Variants in KCNMB2 observed in about 807,000 individuals in gnomAD.
The protein encoded by KCNMB2 is potassium calcium-activated channel subfamily M regulatory beta subunit 2, also known as calcium-activated potassium channel subunit beta-2.
Under a neutral mutation model 24.5 loss-of-function variants are expected in KCNMB2, and 9 were observed. The observed-to-expected ratio is 0.37, with a 90% CI of 0.22 to 0.64. The LOEUF (loss-of-function observed/expected upper bound fraction) is 0.64. Among genes scored for constraint, KCNMB2 ranks in the 30% least tolerant of loss-of-function variants. The pLI is 0.63. For synonymous variants in KCNMB2, 109 were observed against 104.4 expected, an observed-to-expected ratio of 1.04 and a Z score of -0.27; for missense variants, 226 against 284.3, an observed-to-expected ratio of 0.79 and a Z score of 1.47.
intron 1 of KCNMB2, among the ~76,000 whole-genome samples, chr3:178,602,524 C>T (rs1718119557): frequency 6.6e-6 from 1 of 151,172 alleles, no homozygotes; most frequent in Non-Finnish European, 1.5e-5. Context: ...TCCTGTGGGA[C>T]ACTTAGGACA....
At chr3:178,580,059 A>T (rs1352414707) in intron 1 of KCNMB2, among the ~76,000 whole-genome samples, 1 of 152,192 alleles carries the variant, frequency 6.6e-6, no homozygotes, top group East Asian at 1.9e-4. Flanking sequence ...TGGCAGACAC[A>T]AAACAAAAAA....
At chr3:178,705,491 G>C (rs917616502) in intron 1 of KCNMB2, among the ~76,000 whole-genome samples, 2 of 152,160 alleles carry the variant, frequency 1.3e-5, no homozygotes, top group Non-Finnish European at 2.9e-5. Flanking sequence ...CTATCTTCAA[G>C]TAATATAAAT....
Position 178,538,235 on chromosome 3 carries a change from G to A in KCNMB2, c.-68+1524G>A, listed in dbSNP as rs550911308. On this transcript the variant is annotated intron_variant, in intron 1 of 4. Coordinates refer to ENST00000452583, the MANE Select transcript of KCNMB2 (RefSeq NM_181361.3). ...CCGAACTCTCTTGGCTGGTCTTTAC[G>A]TGACCAGACCACATGTCCACGAAAT... Among the ~76,000 whole-genome samples the A allele has an allele frequency of 9.5e-4, 144 of 152,192 alleles. 1 individual carries two copies. The highest frequency in any genetic ancestry group is 4.2e-3 in the South Asian group (20 of 4,814).
chr3:178,831,837 G>A (rs1162480817), intron 4 of KCNMB2, among the ~76,000 whole-genome samples: 6 of 152,002 alleles, frequency 3.9e-5, no homozygotes, highest in Non-Finnish European at 8.8e-5. Flanking sequence ...TGTACACCAC[G>A]CCCCTGTGAC....
chr3:178,642,668 T>C (rs916227771), intron 1 of KCNMB2, among the ~76,000 whole-genome samples: 3 of 152,246 alleles, frequency 2.0e-5, no homozygotes, highest in Non-Finnish European at 4.4e-5. Context: ...AAATTTTTTG[T>C]TAAACTCCAT....
intron 1 of KCNMB2, among the ~76,000 whole-genome samples, chr3:178,552,290 A>G (rs1472021001): frequency 6.6e-6 from 1 of 152,154 alleles, no homozygotes; most frequent in Non-Finnish European, 1.5e-5. Context: ...TCCAGCAAAG[A>G]AGGAAAATGT....
chr3:178,718,899 A>G (rs909554355), intron 1 of KCNMB2, among the ~76,000 whole-genome samples: 9 of 152,200 alleles, frequency 5.9e-5, no homozygotes, highest in Non-Finnish European at 1.0e-4. Context: ...TTGGAAGCCC[A>G]AGTCTAATGA....
chr3:178,754,864 G>A lies in KCNMB2; in HGVS notation c.-67-52479G>A, dbSNP rs6797707. 6.8e-3 allele frequency among the ~76,000 whole-genome samples: 1,042 copies of A among 152,272 alleles called. 17 individuals carry two copies. Among genetic ancestry groups the A allele is most frequent in the African/African-American group, 0.024 (978 of 41,538 alleles). ...GCTTTACAGACAGCTTGTTTAGCAC[G>A]TTTGGCCCTCATTCTGGGTTATGGG... On this transcript the variant is annotated intron_variant, in intron 1 of 4. Coordinates refer to ENST00000452583, the MANE Select transcript of KCNMB2 (RefSeq NM_181361.3).
intron 1 of KCNMB2, among the ~76,000 whole-genome samples, chr3:178,733,103 A>G (rs1432080840): frequency 1.3e-5 from 2 of 152,226 alleles, no homozygotes; most frequent in South Asian, 2.1e-4. Context: ...AGAGTAGATA[A>G]ATGGGGTAGA....
chr3:178,553,966 A>C (rs528773554), intron 1 of KCNMB2, among the ~76,000 whole-genome samples: 1 of 152,332 alleles, frequency 6.6e-6, no homozygotes, highest in South Asian at 2.1e-4. Context: ...AATATACCAC[A>C]GCCAGATTGT....
intron 1 of KCNMB2, among the ~76,000 whole-genome samples, chr3:178,700,142 T>A (rs1371607889): frequency 6.6e-6 from 1 of 152,222 alleles, no homozygotes; most frequent in African/African-American, 2.4e-5. Flanking sequence ...TCACTTTGCC[T>A]CTTTTAATTT....
At chr3:178,795,476 G>A (rs915736742) in intron 1 of KCNMB2, among the ~76,000 whole-genome samples, 3 of 152,180 alleles carry the variant, frequency 2.0e-5, no homozygotes, top group Non-Finnish European at 2.9e-5. Flanking sequence ...GTAACCACAT[G>A]AGTCCTTGCA....
chr3:178,557,508 A>G (rs1439128297), intron 1 of KCNMB2, among the ~76,000 whole-genome samples: 1 of 152,222 alleles, frequency 6.6e-6, no homozygotes, highest in African/African-American at 2.4e-5. Context: ...AGCATTCCGA[A>G]TAACTATTAA....
At chr3:178,648,062 CTCA>C (rs1456454895) in intron 1 of KCNMB2, among the ~76,000 whole-genome samples, 2 of 152,130 alleles carry the variant, frequency 1.3e-5, no homozygotes, top group African/African-American at 2.4e-5. Context: ...ATGACACACT[CTCA>C]TCAAGTGCAT....
At chr3:178,808,876 T>C (rs559266560) in intron 2 of KCNMB2, among the ~76,000 whole-genome samples, 1 of 152,248 alleles carries the variant, frequency 6.6e-6, no homozygotes, top group East Asian at 1.9e-4. Flanking sequence ...ACCTTAATTA[T>C]GGAAAAAATA....
At chr3:178,821,989 C>G (rs990714977) in intron 2 of KCNMB2, among the ~76,000 whole-genome samples, 3 of 152,172 alleles carry the variant, frequency 2.0e-5, no homozygotes, top group African/African-American at 7.2e-5. Flanking sequence ...AAACTCTGCA[C>G]AGAAGCCAGA....
At chr3:178,619,408 G>A (rs762624886) in intron 1 of KCNMB2, among the ~76,000 whole-genome samples, 23 of 152,188 alleles carry the variant, frequency 1.5e-4, no homozygotes, top group African/African-American at 5.5e-4. Flanking sequence ...TACTAAACAC[G>A]TAACTTTGAG....
chr3:178,784,503 A>C (rs1481847162), intron 1 of KCNMB2, among the ~76,000 whole-genome samples: 1 of 152,102 alleles, frequency 6.6e-6, no homozygotes, highest in Non-Finnish European at 1.5e-5. Flanking sequence ...AAACTATTCT[A>C]AGTTATTTAT....
intron 1 of KCNMB2, among the ~76,000 whole-genome samples, chr3:178,652,636 T>C (rs1316520567): frequency 6.6e-6 from 1 of 151,656 alleles, no homozygotes; most frequent in African/African-American, 2.4e-5. Flanking sequence ...CTTTCTTAGC[T>C]ATTTCTGGAC....
Sources: gnomAD v4.1 joint callset for allele counts (sites outside exome capture counted in the v4.1 genomes callset) on GRCh38, gnomAD v4.1.1 for gene constraint, MANE v1.5 for transcripts, NCBI Gene and HGNC (gene_info 2026-07-23, HGNC 2026-07-21) for gene names.